SLC24A2: variants seen among roughly 807,000 people sequenced by gnomAD.
SLC24A2 encodes the protein sodium/potassium/calcium exchanger 2.
SLC24A2 carries 36 observed loss-of-function variants against 62.0 expected under a neutral mutation model. That is an observed-to-expected ratio of 0.58 (90% confidence interval 0.44 to 0.77). The LOEUF (loss-of-function observed/expected upper bound fraction) is 0.77, where lower values mean the gene tolerates loss of function less well. Ranked by LOEUF, SLC24A2 falls within the 30% of genes least tolerant of loss-of-function variation. The probability of loss-of-function intolerance (pLI) is 0.00; values close to 1 mark genes in which losing one functional copy is unlikely to be tolerated. For missense variants in SLC24A2, 846 were observed against 817.9 expected (o/e 1.03, Z -0.42); for synonymous variants, 358 against 294.0 (o/e 1.22, Z -2.23).
chr9:19,818,262 GT>G, the SLC24A2 span, among the ~76,000 whole-genome samples: 6 of 152,044 alleles, frequency 3.9e-5, no homozygotes, highest in African/African-American at 1.4e-4. Context: ...GGTGCTTCAT[GT>G]TCTCACCAGT....
chr9:19,689,485 T>A (rs1318409988), intron 2 of SLC24A2, among the ~76,000 whole-genome samples: 1 of 152,148 alleles, frequency 6.6e-6, no homozygotes, highest in Non-Finnish European at 1.5e-5. Context: ...TGACTAATGC[T>A]CAGAATATTC....
At chr9:20,164,095 C>G in the SLC24A2 span, among the ~76,000 whole-genome samples, 278 of 152,186 alleles carry the variant, frequency 1.8e-3, 5 homozygotes, top group Admixed American at 0.017. Context: ...GTCTAAAATA[C>G]CAAAAGCAAT....
chr9:19,821,528 A>G, the SLC24A2 span, among the ~76,000 whole-genome samples: 1 of 152,158 alleles, frequency 6.6e-6, no homozygotes, highest in African/African-American at 2.4e-5. Context: ...GCTCTGTTTG[A>G]TAATTGGGAG....
the SLC24A2 span, among the ~76,000 whole-genome samples, chr9:20,069,686 C>T: frequency 2.0e-5 from 3 of 152,160 alleles, no homozygotes; most frequent in East Asian, 1.9e-4. Context: ...AGTTCAGTTG[C>T]CTTATGATCT....
the SLC24A2 span, among the ~76,000 whole-genome samples, chr9:19,985,537 T>C: frequency 2.0e-5 from 3 of 152,144 alleles, no homozygotes; most frequent in Admixed American, 1.3e-4. Flanking sequence ...CAAAGCTATA[T>C]TGACTTAAAG....
At chr9:20,245,586 G>A in the SLC24A2 span, among the ~76,000 whole-genome samples, 5 of 152,212 alleles carry the variant, frequency 3.3e-5, no homozygotes, top group Non-Finnish European at 7.3e-5. Flanking sequence ...AAGCCATGGT[G>A]AGGAGAATAA....
At chr9:19,964,422 G>A in the SLC24A2 span, among the ~76,000 whole-genome samples, 7 of 152,050 alleles carry the variant, frequency 4.6e-5, no homozygotes, top group Non-Finnish European at 8.8e-5. Flanking sequence ...GATATACAGT[G>A]GGCAGACCAT....
At chr9:19,924,635 C>A in the SLC24A2 span, among the ~76,000 whole-genome samples, 4 of 152,146 alleles carry the variant, frequency 2.6e-5, no homozygotes, top group African/African-American at 9.7e-5. Context: ...AATAAGGATC[C>A]CATGTCTTAT....
chr9:20,153,026 G>A, the SLC24A2 span, among the ~76,000 whole-genome samples: 2 of 151,748 alleles, frequency 1.3e-5, no homozygotes, highest in African/African-American at 4.8e-5. Context: ...CCGACAAACA[G>A]AGCTTAAGTT....
At chr9:19,962,894 T>C in the SLC24A2 span, among the ~76,000 whole-genome samples, 1 of 152,188 alleles carries the variant, frequency 6.6e-6, no homozygotes, top group African/African-American at 2.4e-5. Context: ...TCCAACACTA[T>C]GTTGAATAGG....
chr9:19,966,250 C>T, the SLC24A2 span, among the ~76,000 whole-genome samples: 1 of 152,036 alleles, frequency 6.6e-6, no homozygotes, highest in Non-Finnish European at 1.5e-5. Flanking sequence ...TTGTGTCTAG[C>T]GTGGTATTTC....
chr9:20,125,624 G>A, the SLC24A2 span, among the ~76,000 whole-genome samples: 1 of 152,118 alleles, frequency 6.6e-6, no homozygotes, highest in East Asian at 1.9e-4. Flanking sequence ...ACTGGGCCCA[G>A]GTCAGCACTA....
At chr9:19,606,551 A>G (rs1302116172) in intron 4 of SLC24A2, among the ~76,000 whole-genome samples, 4 of 152,242 alleles carry the variant, frequency 2.6e-5, no homozygotes, top group Non-Finnish European at 5.9e-5. Flanking sequence ...TCTTGTCTAC[A>G]GTGGGGGCCT....
the SLC24A2 span, among the ~76,000 whole-genome samples, chr9:20,153,171 T>C: frequency 1.3e-5 from 2 of 151,974 alleles, no homozygotes; most frequent in African/African-American, 2.4e-5. Context: ...TCTGTAACAA[T>C]TTTTCTCTGC....
chr9:19,719,266 C>T (rs1820953858), intron 2 of SLC24A2, among the ~76,000 whole-genome samples: 1 of 152,200 alleles, frequency 6.6e-6, no homozygotes, highest in Non-Finnish European at 1.5e-5. Context: ...CTTATTACAA[C>T]ACTCTTGTCA....
chr9:19,794,539 C>A, the SLC24A2 span, among the ~76,000 whole-genome samples: 14 of 151,548 alleles, frequency 9.2e-5, no homozygotes, highest in Non-Finnish European at 1.8e-4. Flanking sequence ...CATGCAATTA[C>A]CAGTGTAACA....
the SLC24A2 span, among the ~76,000 whole-genome samples, chr9:19,878,371 G>C: frequency 6.6e-6 from 1 of 152,070 alleles, no homozygotes; most frequent in Non-Finnish European, 1.5e-5. Flanking sequence ...TGAGCACTTG[G>C]ATTTTTAAAA....
the SLC24A2 span, among the ~76,000 whole-genome samples, chr9:20,020,397 A>G: frequency 1.3e-5 from 2 of 152,224 alleles, no homozygotes; most frequent in African/African-American, 4.8e-5. Context: ...AGCCCTAAAA[A>G]AGGATGAGTT....
intron 2 of SLC24A2, among the ~76,000 whole-genome samples, chr9:19,628,082 TC>T (rs1818080629): frequency 6.6e-6 from 1 of 152,186 alleles, no homozygotes; most frequent in Non-Finnish European, 1.5e-5. Flanking sequence ...TCAGTTAGCC[TC>T]CCTAATACTG....
Sources: allele counts gnomAD v4.1 joint callset (sites outside exome capture counted in the v4.1 genomes callset), GRCh38; gene constraint gnomAD v4.1.1; transcripts MANE v1.5; gene names NCBI Gene and HGNC (gene_info 2026-07-23, HGNC 2026-07-21).